NFIA: variants seen among roughly 807,000 people sequenced by gnomAD.
NFIA encodes the protein nuclear factor 1 A-type.
A neutral mutation model predicts 62.8 loss-of-function variants in NFIA; 8 were observed. The observed-to-expected ratio is 0.13, with a 90% CI of 0.07 to 0.23. NFIA has a LOEUF of 0.23. Ranked by LOEUF, NFIA falls within the 10% of genes least tolerant of loss-of-function variation. The pLI, the probability that NFIA is intolerant of heterozygous loss-of-function variation, is 1.00. For synonymous variants in NFIA, 235 were observed against 238.1 expected (o/e 0.99, Z 0.12); for missense variants, 410 against 642.1 (o/e 0.64, Z 3.91).
intron 2 of NFIA, among the ~76,000 whole-genome samples, chr1:61,249,300 A>G (rs1479672093): frequency 6.6e-6 from 1 of 152,208 alleles, no homozygotes; most frequent in Non-Finnish European, 1.5e-5. Flanking sequence ...TTTTTTTCAG[A>G]AGGAAATAAT....
chr1:61,234,233 G>A (rs1221629459), intron 2 of NFIA, among the ~76,000 whole-genome samples: 1 of 152,018 alleles, frequency 6.6e-6, no homozygotes, highest in African/African-American at 2.4e-5. Flanking sequence ...CTGGAGTGTT[G>A]GCACATGCCT....
At chr1:61,123,033 C>T (rs942021337) in intron 2 of NFIA, among the ~76,000 whole-genome samples, 1 of 152,170 alleles carries the variant, frequency 6.6e-6, no homozygotes. Context: ...GACTTCTAAC[C>T]CCTAATCAGT....
intron 2 of NFIA, among the ~76,000 whole-genome samples, chr1:61,123,678 CA>C (rs1391581246): frequency 8.1e-6 from 1 of 122,784 alleles, no homozygotes; most frequent in East Asian, 2.5e-4. Flanking sequence ...TTTATTTATA[CA>C]AATCCAGTGA....
intron 2 of NFIA, among the ~76,000 whole-genome samples, chr1:61,136,622 T>C (rs911243522): frequency 1.1e-4 from 17 of 152,212 alleles, no homozygotes; most frequent in African/African-American, 3.9e-4. Context: ...TATTATGTTG[T>C]TCTAAATATA....
At chr1:61,141,952 T>TA (rs1647567448) in intron 2 of NFIA, among the ~76,000 whole-genome samples, 1 of 152,192 alleles carries the variant, frequency 6.6e-6, no homozygotes, top group Non-Finnish European at 1.5e-5. Context: ...CCATTCTACT[T>TA]ACAGGAACAG....
intron 6 of NFIA, among the ~76,000 whole-genome samples, chr1:61,367,513 A>G (rs1663654598): frequency 6.6e-6 from 1 of 152,188 alleles, no homozygotes; most frequent in South Asian, 2.1e-4. Context: ...ATGATCTCAT[A>G]TTGGCACCTG....
intron 2 of NFIA, among the ~76,000 whole-genome samples, chr1:61,219,004 G>A (rs1413546965): frequency 6.6e-6 from 1 of 152,134 alleles, no homozygotes; most frequent in Non-Finnish European, 1.5e-5. Flanking sequence ...GGCCGAGGCG[G>A]GCATATCACC....
At chr1:61,079,683 C>T (rs1365291055), upstream of NFIA, among the ~76,000 whole-genome samples, 1 of 152,200 alleles carries the variant, frequency 6.6e-6, no homozygotes, top group Non-Finnish European at 1.5e-5. Flanking sequence ...ACTTCACCTG[C>T]GTTTCCTCCA....
chr1:61,280,451 G>GTATATA (rs4020675), intron 3 of NFIA, among the ~76,000 whole-genome samples: 1 of 151,592 alleles, frequency 6.6e-6, no homozygotes, highest in Non-Finnish European at 1.5e-5. Context: ...GTATGTGTGT[G>GTATATA]TATATATATA....
At chr1:61,278,347 T>A (rs1432193962) in intron 3 of NFIA, among the ~76,000 whole-genome samples, 1 of 152,208 alleles carries the variant, frequency 6.6e-6, no homozygotes, top group African/African-American at 2.4e-5. Flanking sequence ...TAGCAGTGCC[T>A]ATCATATAAC....
intron 2 of NFIA, among the ~76,000 whole-genome samples, chr1:61,169,581 C>T (rs1433429420): frequency 6.6e-6 from 1 of 152,156 alleles, no homozygotes; most frequent in Non-Finnish European, 1.5e-5. Flanking sequence ...CTCATTCTAC[C>T]TTGTGTGTTA....
At chr1:61,081,621 G>T, upstream of NFIA, 1 of 325,050 alleles carries the variant, frequency 3.1e-6, no homozygotes, top group Non-Finnish European at 5.7e-6. Context: ...CTTTTTCTAT[G>T]GCGTCTGTGT....
chr1:61,145,752 A>G (rs1250344898), intron 2 of NFIA, among the ~76,000 whole-genome samples: 1 of 152,228 alleles, frequency 6.6e-6, no homozygotes, highest in Admixed American at 6.5e-5. Flanking sequence ...ATCCAGTCAA[A>G]CCATTTGGCG....
chr1:61,332,712 T>C, intron 4 of NFIA, 126 bp downstream of exon 4: 2 of 672,800 alleles, frequency 3.0e-6, no homozygotes, highest in East Asian at 2.8e-5. Flanking sequence ...TGGAAGAATT[T>C]TGACACACAG....
intron 10 of NFIA, among the ~76,000 whole-genome samples, chr1:61,434,272 A>G (rs1204155018): frequency 6.6e-6 from 1 of 152,144 alleles, no homozygotes; most frequent in Admixed American, 6.5e-5. Flanking sequence ...GTATGTTCTC[A>G]GCTCCAGTAG....
chr1:61,112,318 A>T (rs544388145), intron 2 of NFIA, among the ~76,000 whole-genome samples: 1 of 152,266 alleles, frequency 6.6e-6, no homozygotes, highest in African/African-American at 2.4e-5. Context: ...TTCCTAAAGT[A>T]ATGATAACAA....
intron 2 of NFIA, among the ~76,000 whole-genome samples, chr1:61,214,400 G>A (rs1653474858): frequency 6.6e-6 from 1 of 152,166 alleles, no homozygotes; most frequent in Non-Finnish European, 1.5e-5. Flanking sequence ...GATGGGAATT[G>A]GGAGTAGAAG....
chr1:61,163,173 A>C (rs949363751), intron 2 of NFIA, among the ~76,000 whole-genome samples: 2 of 152,216 alleles, frequency 1.3e-5, no homozygotes, highest in Non-Finnish European at 2.9e-5. Context: ...CAAATACTTG[A>C]CATAATATTC....
chr1:61,333,788 A>C (rs140157042), intron 4 of NFIA, among the ~76,000 whole-genome samples: 1 of 152,178 alleles, frequency 6.6e-6, no homozygotes, highest in African/African-American at 2.4e-5. Flanking sequence ...ACTTGAGGTC[A>C]GGAGTTTGAG....
Sources: allele counts gnomAD v4.1 joint callset (sites outside exome capture counted in the v4.1 genomes callset), GRCh38; gene constraint gnomAD v4.1.1; transcripts MANE v1.5; gene names NCBI Gene and HGNC (gene_info 2026-07-23, HGNC 2026-07-21).